NNT: variants seen among roughly 807,000 people sequenced by gnomAD.
NNT encodes the protein nicotinamide nucleotide transhydrogenase.
In NNT, 50 loss-of-function variants were observed where a neutral mutation model predicts 104.8. The ratio of observed to expected loss-of-function variants is 0.48; its 90% CI spans 0.38 to 0.60. The LOEUF (loss-of-function observed/expected upper bound fraction) is 0.60, where lower values mean the gene tolerates loss of function less well. Among genes scored for constraint, NNT ranks in the 20% least tolerant of loss-of-function variants. The pLI is 0.00. For missense variants in NNT, 1,131 were observed against 1,330.7 expected (o/e 0.85, Z 2.33); for synonymous variants, 461 against 490.4 (o/e 0.94, Z 0.79).
chr5:43,663,352 C>T (rs78621428), intron 17 of NNT, among the ~76,000 whole-genome samples: 2,105 of 152,236 alleles, frequency 0.014, 43 homozygotes, highest in African/African-American at 0.043. Flanking sequence ...AAAGGATTCA[C>T]CAGTCAAAGC....
At chr5:43,632,422 T>G (rs1014470540) in intron 7 of NNT, among the ~76,000 whole-genome samples, 1 of 152,102 alleles carries the variant, frequency 6.6e-6, no homozygotes, top group African/African-American at 2.4e-5. Flanking sequence ...CTTTACGGAG[T>G]TAGTAAATTT....
chr5:43,655,766 T>A (rs1446556838), intron 14 of NNT, 74 bp from the exon 15 acceptor site: 2 of 1,026,472 alleles, frequency 1.9e-6, no homozygotes, highest in African/African-American at 3.2e-5. Flanking sequence ...TGGAAATCCT[T>A]AAGGGTGATC....
chr5:43,685,822 C>T (rs1239542738), intron 19 of NNT, among the ~76,000 whole-genome samples: 1 of 152,088 alleles, frequency 6.6e-6, no homozygotes, highest in African/African-American at 2.4e-5. Flanking sequence ...TCTCCATGGT[C>T]TGTGATCATG....
At chr5:43,607,026 C>T (rs535411794) in intron 1 of NNT, among the ~76,000 whole-genome samples, 26 of 151,498 alleles carry the variant, frequency 1.7e-4, no homozygotes, top group African/African-American at 2.2e-4. Flanking sequence ...CTTGCTCTCT[C>T]GCCCAGGCTG....
At chr5:43,622,277 A>G (rs778037782) in intron 5 of NNT, among the ~76,000 whole-genome samples, 1 of 152,200 alleles carries the variant, frequency 6.6e-6, no homozygotes, top group Non-Finnish European at 1.5e-5. Flanking sequence ...TGAATTCCCC[A>G]TTTTGGCTTA....
intron 7 of NNT, among the ~76,000 whole-genome samples, chr5:43,632,022 A>T (rs1750701665): frequency 6.6e-6 from 1 of 151,966 alleles, no homozygotes; most frequent in Middle Eastern, 3.4e-3. Context: ...AGAATATTAT[A>T]TGGAAGAAGG....
At chr5:43,618,568 G>A (rs1168691611) in intron 4 of NNT, among the ~76,000 whole-genome samples, 1 of 152,200 alleles carries the variant, frequency 6.6e-6, no homozygotes, top group Non-Finnish European at 1.5e-5. Flanking sequence ...ATATAGTAAA[G>A]TAAGTGTGAA....
intron 5 of NNT, among the ~76,000 whole-genome samples, chr5:43,622,666 T>G (rs1298505813): frequency 6.6e-6 from 1 of 152,194 alleles, no homozygotes; most frequent in East Asian, 1.9e-4. Context: ...GAGAAGGCAC[T>G]TTGATTGCTG....
chr5:43,685,802 G>A (rs1741956927), intron 19 of NNT, among the ~76,000 whole-genome samples: 2 of 152,044 alleles, frequency 1.3e-5, no homozygotes, highest in Admixed American at 1.3e-4. Flanking sequence ...TACTCTGGTA[G>A]GACATATTGT....
chr5:43,698,897 C>CATATAT (rs58272291), intron 19 of NNT, among the ~76,000 whole-genome samples: 41 of 145,414 alleles, frequency 2.8e-4, no homozygotes, highest in African/African-American at 1.0e-3. Flanking sequence ...ATATACACTA[C>CATATAT]ATATATATAT....
At chr5:43,703,309 C>T (rs1222004104) in intron 21 of NNT, among the ~76,000 whole-genome samples, 1 of 152,184 alleles carries the variant, frequency 6.6e-6, no homozygotes, top group Non-Finnish European at 1.5e-5. Context: ...GCAGTAGGCA[C>T]ATTTTACCAC....
chr5:43,625,379 A>G (rs1750306660), intron 6 of NNT, among the ~76,000 whole-genome samples: 1 of 152,170 alleles, frequency 6.6e-6, no homozygotes, highest in South Asian at 2.1e-4. Context: ...TTTTCTTTAT[A>G]ATTTATTAAG....
intron 17 of NNT, among the ~76,000 whole-genome samples, chr5:43,671,275 C>T (rs1741066621): frequency 6.6e-6 from 1 of 152,106 alleles, no homozygotes; most frequent in Non-Finnish European, 1.5e-5. Context: ...AGCATTTAGC[C>T]CATTTACATT....
intron 12 of NNT, among the ~76,000 whole-genome samples, chr5:43,651,057 G>C (rs755708350): frequency 6.6e-5 from 10 of 152,082 alleles, no homozygotes; most frequent in South Asian, 2.1e-4. Flanking sequence ...TGTTGATATG[G>C]TATTTTTTTC....
At position 43,675,516 on chromosome 5, in the gene NNT, G is replaced by T; in HGVS notation, c.2640G>T (p.Met880Ile). The part of the protein sequence containing the change: ...AILSYIMCVA[M>I]NRSLANVILG... ...CTGATAATTTGGCTTTCTAGGCAAT[G>T]AATCGCTCCCTGGCTAATGTGATTC... The change falls in exon 18 of 22, where the codon ATG becomes ATT. Residue 880 changes from methionine to isoleucine, a missense_variant. Coordinates refer to ENST00000344920, the MANE Select transcript of NNT (RefSeq NM_182977.3). 1 of 1,609,488 alleles carries T rather than the reference G, an allele frequency of 6.2e-7. No individual in the cohort carries two copies. The highest frequency in any genetic ancestry group is 8.5e-7 in the Non-Finnish European group (1 of 1,178,590).
chr5:43,639,475 C>T (rs1043682176), intron 7 of NNT, among the ~76,000 whole-genome samples: 1 of 152,088 alleles, frequency 6.6e-6, no homozygotes, highest in Non-Finnish European at 1.5e-5. Context: ...AATTGGGAAA[C>T]TATAATTCAA....
chr5:43,655,141 A>G (rs762912065), intron 14 of NNT, among the ~76,000 whole-genome samples: 2 of 152,174 alleles, frequency 1.3e-5, no homozygotes, highest in Non-Finnish European at 2.9e-5. Flanking sequence ...AGGAGAAAGC[A>G]CTGGCTATAG....
chr5:43,677,365 C>T (rs541180145), intron 18 of NNT, among the ~76,000 whole-genome samples: 3 of 150,644 alleles, frequency 2.0e-5, no homozygotes, highest in East Asian at 3.9e-4. Context: ...ACCGCAGTGT[C>T]GTCAAAGCCA....
intron 19 of NNT, among the ~76,000 whole-genome samples, chr5:43,678,187 A>G (rs1457097949): frequency 6.6e-5 from 10 of 152,182 alleles, no homozygotes; most frequent in African/African-American, 2.4e-4. Flanking sequence ...GAGAAGAAGG[A>G]GGAAGAGGAG....
Sources: gnomAD v4.1 joint callset for allele counts (sites outside exome capture counted in the v4.1 genomes callset) on GRCh38, gnomAD v4.1.1 for gene constraint, MANE v1.5 for transcripts, NCBI Gene and HGNC (gene_info 2026-07-23, HGNC 2026-07-21) for gene names.